Variants in SYT1 observed in about 807,000 individuals in gnomAD.
SYT1 encodes the protein synaptotagmin 1.
SYT1 carries 8 observed loss-of-function variants against 44.8 expected under a neutral mutation model. That is an observed-to-expected ratio of 0.18 (90% confidence interval 0.10 to 0.32). The LOEUF (loss-of-function observed/expected upper bound fraction) is 0.32, where lower values mean the gene tolerates loss of function less well. Ranked by LOEUF, SYT1 falls within the 10% of genes least tolerant of loss-of-function variation. SYT1 has a pLI of 1.00. For missense variants in SYT1, 286 were observed against 509.3 expected, an observed-to-expected ratio of 0.56 and a Z score of 4.22; for synonymous variants, 154 against 188.8, an observed-to-expected ratio of 0.82 and a Z score of 1.51.
At chr12:79,277,181 A>G (rs1238053608) in intron 4 of SYT1, among the ~76,000 whole-genome samples, 1 of 152,210 alleles carries the variant, frequency 6.6e-6, no homozygotes, top group African/African-American at 2.4e-5. Flanking sequence ...ACCACAGTAT[A>G]TAATTATCAG....
chr12:79,293,380 T>TAAA (rs1170032122), intron 6 of SYT1, among the ~76,000 whole-genome samples: 1 of 135,158 alleles, frequency 7.4e-6, no homozygotes, highest in African/African-American at 3.1e-5. Context: ...TAAAATAAAA[T>TAAA]AAAATAAAAT....
intron 2 of SYT1, among the ~76,000 whole-genome samples, chr12:79,042,999 T>G (rs1343944108): frequency 6.8e-6 from 1 of 146,740 alleles, no homozygotes; most frequent in Non-Finnish European, 1.5e-5. Flanking sequence ...GATAGTTTGT[T>G]ATAATTTCTG....
chr12:78,907,934 T>C (rs1196373959), intron 1 of SYT1, among the ~76,000 whole-genome samples: 1 of 151,978 alleles, frequency 6.6e-6, no homozygotes, highest in East Asian at 1.9e-4. Context: ...ACCTCTCAGG[T>C]ATATAGAGAA....
chr12:79,000,217 C>A (rs1458918501), intron 2 of SYT1, among the ~76,000 whole-genome samples: 2 of 143,988 alleles, frequency 1.4e-5, no homozygotes, highest in Non-Finnish European at 3.0e-5. Context: ...TTCTTGGAAA[C>A]AAAATACCTC....
chr12:79,054,265 A>G (rs891528809), intron 3 of SYT1, among the ~76,000 whole-genome samples: 2 of 152,072 alleles, frequency 1.3e-5, no homozygotes, highest in Non-Finnish European at 2.9e-5. Context: ...ATGAATGTCT[A>G]TGCAAAATAC....
At chr12:79,035,861 T>C (rs553967315) in intron 2 of SYT1, among the ~76,000 whole-genome samples, 2 of 151,560 alleles carry the variant, frequency 1.3e-5, no homozygotes, top group Non-Finnish European at 3.0e-5. Flanking sequence ...CTGTACATCT[T>C]TGAACCTCAT....
intron 3 of SYT1, among the ~76,000 whole-genome samples, chr12:79,131,551 T>C (rs1281393150): frequency 6.6e-6 from 1 of 152,192 alleles, no homozygotes; most frequent in African/African-American, 2.4e-5. Flanking sequence ...TTTGGGTCTC[T>C]GAAATGCTTG....
intron 1 of SYT1, among the ~76,000 whole-genome samples, chr12:78,940,606 C>G (rs1878297989): frequency 6.6e-6 from 1 of 151,594 alleles, no homozygotes; most frequent in South Asian, 2.1e-4. Context: ...TCAGGCTGGT[C>G]TTGAACTCTT....
intron 4 of SYT1, among the ~76,000 whole-genome samples, chr12:79,256,873 T>C (rs1379930109): frequency 6.6e-6 from 1 of 152,208 alleles, no homozygotes; most frequent in Non-Finnish European, 1.5e-5. Flanking sequence ...ATATTATATT[T>C]TACGCAGGGT....
At chr12:78,875,806 T>G (rs77661441) in intron 1 of SYT1, among the ~76,000 whole-genome samples, 9,599 of 151,766 alleles carry the variant, frequency 0.063, 564 homozygotes, top group African/African-American at 0.15. Flanking sequence ...AAATGTATTC[T>G]CAGATGTCTT....
chr12:79,433,678 C>T (rs1320802074), intron 9 of SYT1, among the ~76,000 whole-genome samples: 3 of 152,154 alleles, frequency 2.0e-5, no homozygotes, highest in Non-Finnish European at 4.4e-5. Flanking sequence ...AGTCATTCCA[C>T]CAAGCTCTTT....
At chr12:78,868,562 T>G (rs1873661246) in intron 1 of SYT1, 1 of 151,838 alleles carries the variant, frequency 6.6e-6, no homozygotes, top group Admixed American at 6.6e-5. Flanking sequence ...CAGCTAGAAT[T>G]TAAGGATATG....
At chr12:79,093,511 A>G (rs1877919223) in intron 3 of SYT1, among the ~76,000 whole-genome samples, 1 of 151,726 alleles carries the variant, frequency 6.6e-6, no homozygotes, top group East Asian at 1.9e-4. Context: ...AGAGAAGACC[A>G]AAGTTTAGTT....
chr12:79,062,662 G>GT, intron 3 of SYT1, among the ~76,000 whole-genome samples: 1 of 152,070 alleles, frequency 6.6e-6, no homozygotes, highest in Non-Finnish European at 1.5e-5. Flanking sequence ...AAAGTCACAG[G>GT]TGTTTTCTGA....
chr12:79,156,034 C>T (rs556713711), intron 3 of SYT1, among the ~76,000 whole-genome samples: 2 of 152,340 alleles, frequency 1.3e-5, no homozygotes, highest in East Asian at 3.9e-4. Flanking sequence ...CTACTTAGGT[C>T]TAACATCTGG....
At chr12:79,362,672 A>AAGGCTGAACAAGGT (rs61301568) in intron 9 of SYT1, among the ~76,000 whole-genome samples, 1 of 136,940 alleles carries the variant, frequency 7.3e-6, no homozygotes, top group African/African-American at 3.3e-5. Context: ...TCTGAAAAGG[A>AAGGCTGAACAAGGT]TATGATGAAA....
At chr12:79,339,170 T>C (rs1305528131) in intron 8 of SYT1, among the ~76,000 whole-genome samples, 1 of 152,208 alleles carries the variant, frequency 6.6e-6, no homozygotes, top group Non-Finnish European at 1.5e-5. Context: ...TTATAATCCT[T>C]TGGGTATATA....
chr12:78,941,057 TTTTTTTTC>T (rs1187102503), intron 1 of SYT1, among the ~76,000 whole-genome samples: 37 of 126,928 alleles, frequency 2.9e-4, no homozygotes, highest in East Asian at 7.2e-4. Flanking sequence ...TTTTTTTTCT[TTTTTTTTC>T]TTTTTTTTTT....
chr12:79,026,532 G>A (rs867914342), intron 2 of SYT1, among the ~76,000 whole-genome samples: 24 of 150,670 alleles, frequency 1.6e-4, no homozygotes, highest in Middle Eastern at 6.9e-3. Context: ...TTGGAATCAC[G>A]TGGTTTATTT....
Sources: gnomAD v4.1 joint callset for allele counts (sites outside exome capture counted in the v4.1 genomes callset) on GRCh38, gnomAD v4.1.1 for gene constraint, MANE v1.5 for transcripts, NCBI Gene and HGNC (gene_info 2026-07-23, HGNC 2026-07-21) for gene names.